Variants in PDE4D observed in about 807,000 individuals in gnomAD.
PDE4D encodes the protein 3',5'-cyclic-AMP phosphodiesterase 4D.
PDE4D carries 24 observed loss-of-function variants against 87.4 expected under a neutral mutation model. That is an observed-to-expected ratio of 0.27 (90% CI 0.20 to 0.39). PDE4D has a LOEUF of 0.39. Among genes scored for constraint, PDE4D ranks in the 10% least tolerant of loss-of-function variants. The pLI, the probability that PDE4D is intolerant of heterozygous loss-of-function variation, is 1.00. For synonymous variants in PDE4D, 384 were observed against 383.2 expected (o/e 1.00, Z -0.02); for missense variants, 714 against 1,041.0 (o/e 0.69, Z 4.32).
In PDE4D at chr5:60,295,290, T is replaced by C. The variant is rs763820885; in HGVS notation, c.-89-109603A>G. 6.4e-4 allele frequency among the ~76,000 whole-genome samples: 98 copies of C among 152,346 alleles called. 1 individual carries two copies. Among genetic ancestry groups the C allele is most frequent in the Middle Eastern group, 6.8e-3 (2 of 294 alleles). Reference sequence around the variant, plus strand: ...GTTATTTAAGTATCTGTTTATGTCATACGTGAATAAAAGCTGCTTTACTTC... The same window carrying C: ...GTTATTTAAGTATCTGTTTATGTCACACGTGAATAAAAGCTGCTTTACTTC... On this transcript the variant is annotated intron_variant, in intron 1 of 16. Coordinates refer to the PDE4D transcript ENST00000502484.
At chr5:60,381,301 G>A (rs1460428161) in intron 1 of PDE4D, among the ~76,000 whole-genome samples, 2 of 152,178 alleles carry the variant, frequency 1.3e-5, no homozygotes, top group Non-Finnish European at 2.9e-5. Context: ...CTTTGCATAT[G>A]TCACACGGTA....
At chr5:60,473,743 T>C (rs1339308154) in intron 1 of PDE4D, among the ~76,000 whole-genome samples, 1 of 151,934 alleles carries the variant, frequency 6.6e-6, no homozygotes, top group Non-Finnish European at 1.5e-5. Context: ...TCATCTGGCA[T>C]GCAAACCATA....
intron 1 of PDE4D, among the ~76,000 whole-genome samples, chr5:59,668,283 C>T (rs1746408059): frequency 6.6e-6 from 1 of 152,192 alleles, no homozygotes. Flanking sequence ...TAAAAGCTAA[C>T]ATGCTATGCA....
At chr5:59,836,668 C>CTAT (rs1561741710) in intron 1 of PDE4D, among the ~76,000 whole-genome samples, 1 of 124,898 alleles carries the variant, frequency 8.0e-6, no homozygotes, top group African/African-American at 4.3e-5. Flanking sequence ...CATCTATCTA[C>CTAT]CTATCTATCT....
chr5:59,104,641 T>G (rs748056552), intron 5 of PDE4D, among the ~76,000 whole-genome samples: 1 of 151,916 alleles, frequency 6.6e-6, no homozygotes, highest in Non-Finnish European at 1.5e-5. Flanking sequence ...ACTTTGCGTT[T>G]TATTCAATAG....
chr5:60,033,214 G>A (rs543750570), intron 2 of PDE4D, among the ~76,000 whole-genome samples: 22 of 152,162 alleles, frequency 1.4e-4, no homozygotes, highest in African/African-American at 5.1e-4. Flanking sequence ...AGAAACGAGT[G>A]ACATTTATTT....
At chr5:59,455,482 T>C (rs1351612409) in intron 1 of PDE4D, among the ~76,000 whole-genome samples, 2 of 152,196 alleles carry the variant, frequency 1.3e-5, no homozygotes, top group African/African-American at 4.8e-5. Context: ...ATAGGATGTA[T>C]GGAAATGCCA....
At chr5:59,756,108 T>C (rs543274144) in intron 1 of PDE4D, among the ~76,000 whole-genome samples, 124 of 151,960 alleles carry the variant, frequency 8.2e-4, no homozygotes, top group Non-Finnish European at 1.4e-3. Context: ...AAGATCTACT[T>C]TGGAAAAATG....
chr5:59,843,742 A>G (rs1299686726), intron 1 of PDE4D, among the ~76,000 whole-genome samples: 2 of 152,062 alleles, frequency 1.3e-5, no homozygotes, highest in African/African-American at 4.8e-5. Context: ...TCTAACTGTG[A>G]GCTTCAAGTC....
chr5:59,879,091 G>A (rs1377658337), intron 1 of PDE4D, among the ~76,000 whole-genome samples: 1 of 151,494 alleles, frequency 6.6e-6, no homozygotes, highest in Non-Finnish European at 1.5e-5. Flanking sequence ...TAGTAGAGAC[G>A]GGGTTTCACC....
chr5:59,722,512 ATTTC>A (rs1755992408), intron 1 of PDE4D, among the ~76,000 whole-genome samples: 1 of 152,040 alleles, frequency 6.6e-6, no homozygotes, highest in African/African-American at 2.4e-5. Context: ...AACTTCTGCC[ATTTC>A]TTTAATTCTT....
chr5:59,737,331 T>C (rs1758209174), intron 1 of PDE4D, among the ~76,000 whole-genome samples: 1 of 152,170 alleles, frequency 6.6e-6, no homozygotes, highest in Non-Finnish European at 1.5e-5. Context: ...TGCCTTTCGG[T>C]ATGTATTAAA....
At chr5:60,076,854 G>A (rs1773348984) in intron 2 of PDE4D, among the ~76,000 whole-genome samples, 1 of 152,240 alleles carries the variant, frequency 6.6e-6, no homozygotes, top group South Asian at 2.1e-4. Flanking sequence ...TGTTGGATGT[G>A]GCAGTGTGCT....
intron 1 of PDE4D, among the ~76,000 whole-genome samples, chr5:59,367,158 CAGA>C (rs1298583248): frequency 6.6e-6 from 1 of 152,124 alleles, no homozygotes; most frequent in Admixed American, 6.5e-5. Context: ...CTCATTACAG[CAGA>C]AGTTCTGAGA....
intron 1 of PDE4D, among the ~76,000 whole-genome samples, chr5:59,696,426 G>A (rs1751788837): frequency 6.6e-6 from 1 of 152,040 alleles, no homozygotes; most frequent in Non-Finnish European, 1.5e-5. Context: ...AAGGGAGACA[G>A]ACAATAAGCA....
chr5:59,657,487 T>C (rs1185524416), intron 1 of PDE4D, among the ~76,000 whole-genome samples: 1 of 152,166 alleles, frequency 6.6e-6, no homozygotes, highest in Admixed American at 6.5e-5. Context: ...ATTAAAGTTT[T>C]AGATAAAAAA....
chr5:60,063,559 T>C (rs1771728487), intron 2 of PDE4D, among the ~76,000 whole-genome samples: 1 of 152,080 alleles, frequency 6.6e-6, no homozygotes, highest in African/African-American at 2.4e-5. Flanking sequence ...ATTTAGTTTA[T>C]AGTTTGAAAG....
chr5:59,439,689 G>A (rs1410312597), intron 1 of PDE4D, among the ~76,000 whole-genome samples: 1 of 152,142 alleles, frequency 6.6e-6, no homozygotes, highest in Non-Finnish European at 1.5e-5. Flanking sequence ...AAATACAGCA[G>A]GGAAGGAGCC....
rs1293629431 is a variant in PDE4D at position 60,172,825 on chromosome 5, G to GC, written c.42+12731dup. Among the ~76,000 whole-genome samples, 7 of 152,134 alleles carry GC rather than the reference G, an allele frequency of 4.6e-5. No homozygotes were observed. The East Asian group carries it at 1.2e-3, about 25-fold the overall frequency. On this transcript the variant is annotated intron_variant, in intron 2 of 16. Transcript: ENST00000502484. ...ACTTACCAGAGTCCTCCAAAGTACT[G>GC]CCGCTCCCCAAACTTCATCTCTTGA...
Sources: allele counts gnomAD v4.1 joint callset (sites outside exome capture counted in the v4.1 genomes callset), GRCh38; gene constraint gnomAD v4.1.1; transcripts MANE v1.5; gene names NCBI Gene and HGNC (gene_info 2026-07-23, HGNC 2026-07-21).